EPHA8: variants seen among roughly 807,000 people sequenced by gnomAD.
EPHA8 encodes EPH receptor A8.
A neutral mutation model predicts 103.6 loss-of-function variants in EPHA8; 58 were observed. The ratio of observed to expected loss-of-function variants is 0.56; its 90% CI spans 0.45 to 0.70. The LOEUF is 0.70. Among genes scored for constraint, EPHA8 ranks in the 30% least tolerant of loss-of-function variants. EPHA8 has a pLI of 0.00. For synonymous variants in EPHA8, 559 were observed against 572.5 expected (o/e 0.98, Z 0.34); for missense variants, 1,304 against 1,395.2 (o/e 0.93, Z 1.04).
Position 22,599,021 on chromosome 1 carries a change from G to C in EPHA8, c.2362G>C (p.Asp788His). The C allele has an allele frequency of 1.2e-6, 2 of 1,609,226 alleles. No individual in the cohort carries two copies. The highest frequency in any genetic ancestry group is 2.2e-5 in the East Asian group (1 of 44,750). Reference sequence around the variant, plus strand: ...CGGGCTCTCACGGGTGCTGGAGGACGACCCGGATGCTGCCTACACCACCAC... The same window carrying C: ...CGGGCTCTCACGGGTGCTGGAGGACCACCCGGATGCTGCCTACACCACCAC... ...DFGLSRVLED[D>H]PDAAYTTTGG... Residue 788 changes from aspartate to histidine, a missense_variant, in exon 13 of 17, where the codon GAC becomes CAC. Transcript: ENST00000166244.
intron 5 of EPHA8, among the ~76,000 whole-genome samples, chr1:22,591,717 C>T (rs1641376801): frequency 6.6e-6 from 1 of 152,114 alleles, no homozygotes; most frequent in Admixed American, 6.5e-5. Flanking sequence ...GTCTCCGGTG[C>T]CCCCTCCTTG....
chr1:22,581,217 T>G (rs1641037628), intron 3 of EPHA8, among the ~76,000 whole-genome samples: 1 of 152,208 alleles, frequency 6.6e-6, no homozygotes, highest in Admixed American at 6.5e-5. Context: ...GCTTCCTCTG[T>G]GCACAAAGCC....
At position 22,598,774 on chromosome 1, in the gene EPHA8, T is replaced by C; in HGVS notation, c.2179-64T>C. ...GAGAGCATCCTACAGATGGGAGGTGTTCCTGTTCACGGACCAGGCGCCTCG... is the reference window on the plus strand; with the variant it reads ...GAGAGCATCCTACAGATGGGAGGTGCTCCTGTTCACGGACCAGGCGCCTCG... On this transcript the variant is annotated intron_variant, in intron 12 of 16. Transcript: ENST00000166244. The surrounding 1 kb of genome is among the most constrained non-coding windows in gnomAD (Gnocchi z 5.1). 1 of 1,532,918 alleles carries C rather than the reference T, an allele frequency of 6.5e-7. No homozygotes were observed. The highest frequency in any genetic ancestry group is 8.9e-7 in the Non-Finnish European group (1 of 1,120,538). 95.0% of individuals were successfully genotyped at this position (1,532,918 alleles called of 1,614,324 possible). A position where few individuals can be genotyped will look rare whatever the true frequency, so the allele number is the denominator to read the frequency against.
Position 22,600,940 on chromosome 1 carries a change from A to C in EPHA8, c.2581A>C (p.Met861Leu), listed in dbSNP as rs776137702. 1.2e-6 allele frequency: 2 copies of C among 1,612,360 alleles called. No homozygotes were observed. The highest frequency in any genetic ancestry group is 2.2e-5 in the East Asian group (1 of 44,864). ...GGAGGGGTACCGCCTGCCCGCACCC[A>C]TGGGCTGCCCCCACGCCCTGCACCA... ...VEEGYRLPAP[M>L]GCPHALHQLM... Residue 861 changes from methionine to leucine, a missense_variant, in exon 15 of 17, where the codon ATG becomes CTG. By Grantham distance (15) the Met-to-Leu change is conservative. Coordinates refer to ENST00000166244, the MANE Select transcript of EPHA8 (RefSeq NM_020526.5).
Position 22,597,383 on chromosome 1 carries a change from C to A in EPHA8, c.1837C>A (p.Pro613Thr). The A allele has an allele frequency of 6.2e-7, 1 of 1,613,496 alleles. No individual in the cohort carries two copies. Among genetic ancestry groups the A allele is most frequent in the Non-Finnish European group, 8.5e-7 (1 of 1,179,982 alleles). Residue 613 changes from proline to threonine, a missense_variant, in exon 10 of 17, where the codon CCC (proline) becomes ACC (threonine). By Grantham distance (38) the Pro-to-Thr change is conservative (BLOSUM62 -1). Coordinates refer to ENST00000166244, the MANE Select transcript of EPHA8 (RefSeq NM_020526.5). The surrounding 1 kb of genome is among the most constrained non-coding windows in gnomAD (Gnocchi z 4.6). Reference sequence around the variant, plus strand: ...CCCAGAGCCCCAGTTCTATGCGGAACCCCACACCTACGAGGAGCCAGGCCG... The same window carrying A: ...CCCAGAGCCCCAGTTCTATGCGGAAACCCACACCTACGAGGAGCCAGGCCG... Reference protein sequence around the residue: ...KLPEPQFYAEPHTYEEPGRAG... With the variant: ...KLPEPQFYAETHTYEEPGRAG...
chr1:22,578,118 G>C (rs58729215), intron 3 of EPHA8, among the ~76,000 whole-genome samples: 57 of 85,890 alleles, frequency 6.6e-4, no homozygotes, highest in East Asian at 2.5e-3. Flanking sequence ...ATGTGTGCGT[G>C]AGTGTATGCA....
At position 22,586,515 on chromosome 1, in the gene EPHA8, G is replaced by T. The variant is rs1405311325; in HGVS notation, c.859G>T (p.Asp287Tyr). The T allele has an allele frequency of 1.2e-6, 2 of 1,613,538 alleles. No homozygotes were observed. The highest frequency in any genetic ancestry group is 1.7e-6 in the Non-Finnish European group (2 of 1,179,884). The change falls in exon 4 of 17, where the codon GAC becomes TAC. Residue 287 changes from aspartate (D) to tyrosine (Y), a missense_variant. Transcript: ENST00000166244. The stretch of plus-strand genomic sequence containing the variant: ...GGGCTTCTACAAGTCAGCCCCTGGG[G>T]ACCAGCTGTGTGCCCGCTGCCCTCC... The part of the protein sequence containing the change: ...ELGFYKSAPG[D>Y]QLCARCPPHS...
chr1:22,592,649 A>G (rs945467942), intron 5 of EPHA8, among the ~76,000 whole-genome samples: 1 of 152,122 alleles, frequency 6.6e-6, no homozygotes, highest in Non-Finnish European at 1.5e-5. Context: ...TAGGGCAGAG[A>G]GTCAGAACTC....
At position 22,569,099 on chromosome 1, in the gene EPHA8, CA is replaced by C. The variant is rs1229519079; in HGVS notation, c.95-189del. 6.6e-6 allele frequency among the ~76,000 whole-genome samples: 1 copy of C among 152,154 alleles called. No individual in the cohort carries two copies. The highest frequency in any genetic ancestry group is 1.5e-5 in the Non-Finnish European group (1 of 68,030). On this transcript the variant is annotated intron_variant, in intron 1 of 16. Coordinates refer to ENST00000166244, the MANE Select transcript of EPHA8 (RefSeq NM_020526.5). This position sits in a 1 kb window ranked among gnomAD's most constrained non-coding sequence, Gnocchi z 4.5. ...GGCCAAGAGGGTGAGAAGAAGGCTT[CA>C]GGGAAGAGAAAGAACTTAAACTGGG...
Position 22,570,343 on chromosome 1 carries a change from C to T in EPHA8, c.159+990C>T, listed in dbSNP as rs150826077. The stretch of plus-strand genomic sequence containing the variant: ...ACATGCACACACGCACATGCACATG[C>T]GTGGGTACACACATGCACACACGTG... On this transcript the variant is annotated intron_variant, in intron 2 of 16. Transcript: ENST00000166244. 8.4e-4 allele frequency among the ~76,000 whole-genome samples: 106 copies of T among 125,532 alleles called. 3 individuals are homozygous for T. The highest frequency in any genetic ancestry group is 8.0e-3 in the East Asian group (37 of 4,602). The allele number at this position is 125,532 out of a possible 152,430, so 82.4% of individuals were successfully genotyped here.
chr1:22,586,757 T>C (rs892607047), intron 4 of EPHA8, 122 bp downstream of exon 4: 2 of 1,294,462 alleles, frequency 1.5e-6, no homozygotes, highest in African/African-American at 3.2e-5. Context: ...GGTGGCTCTC[T>C]TGAGCCAGAG....
At chr1:22,579,276 TG>T (rs1273674634) in intron 3 of EPHA8, among the ~76,000 whole-genome samples, 3 of 151,626 alleles carry the variant, frequency 2.0e-5, no homozygotes, top group Admixed American at 6.6e-5. Context: ...TGTGTCAGAG[TG>T]TATATATGCA....
chr1:22,566,109 A>T (rs1326437479), intron 1 of EPHA8, among the ~76,000 whole-genome samples: 2 of 152,210 alleles, frequency 1.3e-5, no homozygotes, highest in Non-Finnish European at 2.9e-5. Flanking sequence ...CCCCTACAAC[A>T]GGCCACTCTC....
intron 4 of EPHA8, 79 bp from the exon 5 acceptor site, chr1:22,588,792 G>T: frequency 6.7e-7 from 1 of 1,501,656 alleles, no homozygotes; most frequent in Non-Finnish European, 8.8e-7. Flanking sequence ...TTCCCTTGGG[G>T]AGCCCCAGGT....
chr1:22,582,962 C>CT (rs1420509375), intron 3 of EPHA8, among the ~76,000 whole-genome samples: 17 of 152,256 alleles, frequency 1.1e-4, no homozygotes, highest in African/African-American at 3.6e-4. Context: ...GCCTTCCTGA[C>CT]TGTGTTTAAA....
intron 2 of EPHA8, among the ~76,000 whole-genome samples, chr1:22,571,336 G>A (rs1039519996): frequency 3.3e-5 from 5 of 152,210 alleles, no homozygotes; most frequent in Admixed American, 6.5e-5. Context: ...AATCCTTGAG[G>A]TGGGTGCAGC....
intron 3 of EPHA8, 62 bp from the exon 4 acceptor site, chr1:22,586,418 G>A (rs376694821): frequency 7.2e-5 from 114 of 1,575,800 alleles, no homozygotes; most frequent in African/African-American, 5.5e-4. Flanking sequence ...CAGTGTGAGC[G>A]GTCCCCAAGG....
In EPHA8 at chr1:22,597,358, C is replaced by T. The variant is rs1641546917; in HGVS notation, c.1812C>T (p.Leu604=). The change falls in exon 10 of 17, where the codon CTC becomes CTT. Residue 604 remains leucine, a synonymous_variant. Transcript: ENST00000166244. The surrounding 1 kb of genome is among the most constrained non-coding windows in gnomAD (Gnocchi z 4.6). The stretch of plus-strand genomic sequence containing the variant: ...CTCTGCATCACCCCCCGGGAAAGCT[C>T]CCAGAGCCCCAGTTCTATGCGGAAC... The part of the protein sequence containing the change: ...FLPLHHPPGK[L]PEPQFYAEPH... 8 of 1,612,834 alleles carry T rather than the reference C, an allele frequency of 5.0e-6. No individual in the cohort carries two copies. The East Asian group carries it at 1.6e-4, about 31-fold the overall frequency.
intron 15 of EPHA8, 100 bp downstream of exon 15, chr1:22,601,188 C>T: frequency 6.6e-7 from 1 of 1,526,670 alleles, no homozygotes; most frequent in South Asian, 1.3e-5. Flanking sequence ...AGGACCAGGC[C>T]CAGCCTGGGC....
Sources: gnomAD v4.1 joint callset for allele counts (sites outside exome capture counted in the v4.1 genomes callset) on GRCh38, gnomAD v4.1.1 for gene constraint, Gnocchi (gnomAD v3.1) non-coding constraint, MANE v1.5 for transcripts, NCBI Gene and HGNC (gene_info 2026-07-23, HGNC 2026-07-21) for gene names.